Variants in SLC9C2 observed in about 807,000 individuals in gnomAD.
SLC9C2 encodes solute carrier family 9 member C2 (putative).
SLC9C2 carries 75 observed loss-of-function variants against 140.2 expected under a neutral mutation model. The ratio of observed to expected loss-of-function variants is 0.53; its 90% CI spans 0.44 to 0.65. The LOEUF (loss-of-function observed/expected upper bound fraction) is 0.65. Ranked by LOEUF, SLC9C2 falls within the 30% of genes least tolerant of loss-of-function variation. SLC9C2 has a pLI of 0.00. For missense variants in SLC9C2, 1,074 were observed against 1,331.8 expected (o/e 0.81, Z 3.01); for synonymous variants, 375 against 420.9 (o/e 0.89, Z 1.34).
chr1:173,548,289 C>T, intron 12 of SLC9C2, 100 bp downstream of exon 12: 2 of 1,202,104 alleles, frequency 1.7e-6, no homozygotes, highest in African/African-American at 1.6e-5. Context: ...AGTTTTGTGA[C>T]ATTTAATTAG....
At chr1:173,516,235 C>G (rs1660410992) in intron 23 of SLC9C2, among the ~76,000 whole-genome samples, 2 of 152,188 alleles carry the variant, frequency 1.3e-5, no homozygotes, top group South Asian at 4.1e-4. Context: ...AGTGAAATGT[C>G]AGGACACTTA....
chr1:173,583,215 TAATAC>T (rs1665656801), intron 6 of SLC9C2, among the ~76,000 whole-genome samples: 1 of 152,250 alleles, frequency 6.6e-6, no homozygotes, highest in Non-Finnish European at 1.5e-5. Context: ...TTCTAATACT[TAATAC>T]AATGCAAATA....
At chr1:173,556,557 A>G (rs746518969) in intron 10 of SLC9C2, among the ~76,000 whole-genome samples, 60 of 152,156 alleles carry the variant, frequency 3.9e-4, no homozygotes, top group Non-Finnish European at 7.2e-4. Context: ...TCTAAGAACT[A>G]TAAGGATTAG....
Position 173,576,532 on chromosome 1 carries a change from T to C in SLC9C2, c.902+129A>G, listed in dbSNP as rs565094059. 7.0e-5 allele frequency: 40 copies of C among 569,300 alleles called. No homozygotes were observed. The South Asian group carries it at 1.0e-3, about 14-fold the overall frequency. The allele number at this position is 569,300 out of a possible 1,614,324, so 35.3% of individuals were successfully genotyped here. A position where few individuals can be genotyped will look rare whatever the true frequency, so the allele number is the denominator to read the frequency against. On this transcript the variant is annotated intron_variant, in intron 8 of 27. Transcript: ENST00000367714. ...TTAAATTCTTTTCAAATATAACTGA[T>C]AGCAAAAATAAAATTTTCAAGATAA...
intron 13 of SLC9C2, among the ~76,000 whole-genome samples, chr1:173,545,008 T>A (rs961609988): frequency 6.6e-5 from 10 of 151,202 alleles, no homozygotes; most frequent in African/African-American, 1.9e-4. Context: ...AAGTATAATT[T>A]AAAAAAAAAG....
intron 11 of SLC9C2, among the ~76,000 whole-genome samples, chr1:173,553,351 T>C (rs1663452965): frequency 6.6e-6 from 1 of 152,242 alleles, no homozygotes; most frequent in Admixed American, 6.5e-5. Context: ...TTGAGAGGAT[T>C]TATTCCAATT....
chr1:173,559,090 G>A (rs1019787510), intron 9 of SLC9C2, among the ~76,000 whole-genome samples: 11 of 152,326 alleles, frequency 7.2e-5, no homozygotes, highest in Admixed American at 5.9e-4. Flanking sequence ...CTAAAGCCAT[G>A]TTTCTTTCTT....
At chr1:173,533,878 T>G in intron 16 of SLC9C2, 81 bp from the exon 17 acceptor site, 1 of 1,397,274 alleles carries the variant, frequency 7.2e-7, no homozygotes, top group Non-Finnish European at 9.5e-7. Context: ...AACAACTAAG[T>G]TCTTAACTAC....
At chr1:173,592,227 T>C (rs968325474) in intron 4 of SLC9C2, among the ~76,000 whole-genome samples, 1 of 152,204 alleles carries the variant, frequency 6.6e-6, no homozygotes, top group African/African-American at 2.4e-5. Flanking sequence ...TTGGTCTATG[T>C]GTCTGTTTTT....
chr1:173,579,917 C>T (rs1452619013), intron 7 of SLC9C2, among the ~76,000 whole-genome samples: 1 of 152,202 alleles, frequency 6.6e-6, no homozygotes, highest in African/African-American at 2.4e-5. Flanking sequence ...AATTCATACA[C>T]ATCTGGTTAA....
At chr1:173,554,017 C>T (rs925611453) in intron 11 of SLC9C2, among the ~76,000 whole-genome samples, 9 of 152,094 alleles carry the variant, frequency 5.9e-5, no homozygotes, top group African/African-American at 1.2e-4. Context: ...ATTTCTCTAC[C>T]GAATGTGTCT....
intron 13 of SLC9C2, among the ~76,000 whole-genome samples, chr1:173,538,823 G>C (rs1056896389): frequency 6.7e-6 from 1 of 149,300 alleles, no homozygotes; most frequent in African/African-American, 2.4e-5. Flanking sequence ...GCATCAGTTA[G>C]AGAAACAGTC....
chr1:173,578,231 C>G (rs1282575099), intron 7 of SLC9C2, among the ~76,000 whole-genome samples: 2 of 152,184 alleles, frequency 1.3e-5, no homozygotes, highest in South Asian at 4.1e-4. Context: ...CATGTTCTTT[C>G]ATGAATTATA....
chr1:173,536,888 C>G, intron 14 of SLC9C2, 54 bp downstream of exon 14: 1 of 1,211,620 alleles, frequency 8.3e-7, no homozygotes, highest in Non-Finnish European at 1.2e-6. Context: ...ATTCATTCTT[C>G]ATCATATAGT....
intron 7 of SLC9C2, among the ~76,000 whole-genome samples, chr1:173,578,242 C>T (rs887730986): frequency 6.6e-6 from 1 of 152,306 alleles, no homozygotes; most frequent in East Asian, 1.9e-4. Flanking sequence ...ATGAATTATA[C>T]ATCAACACTC....
intron 23 of SLC9C2, among the ~76,000 whole-genome samples, chr1:173,514,771 T>A (rs1429092926): frequency 6.6e-6 from 1 of 152,214 alleles, no homozygotes; most frequent in African/African-American, 2.4e-5. Flanking sequence ...ATTTGGAGTG[T>A]TTTTGCAGTG....
intron 6 of SLC9C2, among the ~76,000 whole-genome samples, chr1:173,583,055 T>G (rs1665644610): frequency 6.6e-6 from 1 of 152,212 alleles, no homozygotes; most frequent in Admixed American, 6.5e-5. Context: ...CATGCAGTCC[T>G]CCTTCGGGTA....
At position 173,501,141 on chromosome 1, in the gene SLC9C2, T is replaced by C. The variant is rs545422427; in HGVS notation, c.3372-44A>G. 4.2e-5 allele frequency: 63 copies of C among 1,493,120 alleles called. 1 individual carries two copies. The South Asian group carries it at 8.1e-4, about 19-fold the overall frequency. 92.5% of individuals were successfully genotyped at this position (1,493,120 alleles called of 1,614,324 possible). A position where few individuals can be genotyped will look rare whatever the true frequency, so the allele number is the denominator to read the frequency against. ...AGTTAAATATTAGCCTATAAACATT[T>C]CAGGAAAAACTTCTTACCTATTAAA... On this transcript the variant is annotated intron_variant, in intron 27 of 27. Transcript: ENST00000367714.
chr1:173,503,806 A>C (rs537260532), intron 26 of SLC9C2, among the ~76,000 whole-genome samples: 2 of 152,202 alleles, frequency 1.3e-5, no homozygotes, highest in Admixed American at 6.5e-5. Context: ...ACTCTTAAAC[A>C]AATTAAGAGT....
Sources: gnomAD v4.1 joint callset for allele counts (sites outside exome capture counted in the v4.1 genomes callset) on GRCh38, gnomAD v4.1.1 for gene constraint, MANE v1.5 for transcripts, NCBI Gene and HGNC (gene_info 2026-07-23, HGNC 2026-07-21) for gene names.